TNKS2: variants seen among roughly 807,000 people sequenced by gnomAD.
The protein encoded by TNKS2 is poly [ADP-ribose] polymerase tankyrase-2.
In TNKS2, 72 loss-of-function variants were observed where a neutral mutation model predicts 137.6. The observed-to-expected ratio is 0.52, with a 90% CI of 0.43 to 0.64. The LOEUF (loss-of-function observed/expected upper bound fraction) is 0.64, where lower values mean the gene tolerates loss of function less well. Ranked by LOEUF, TNKS2 falls within the 30% of genes least tolerant of loss-of-function variation. The pLI is 0.00. For missense variants in TNKS2, 1,049 were observed against 1,410.2 expected (o/e 0.74, Z 4.10); for synonymous variants, 516 against 512.1 (o/e 1.01, Z -0.10).
Position 91,812,971 on chromosome 10 carries a change from G to C in TNKS2, c.200-12G>C. 13 of 1,613,346 alleles carry C rather than the reference G, an allele frequency of 8.1e-6. No homozygotes were observed. The highest frequency in any genetic ancestry group is 1.0e-5 in the Non-Finnish European group (12 of 1,179,474). Reference sequence around the variant, plus strand: ...TGTTGAACTTACGTGTGGACAATTTGTTTTCATCTAGGTTTTGGGCGGAAA... The same window carrying C: ...TGTTGAACTTACGTGTGGACAATTTCTTTTCATCTAGGTTTTGGGCGGAAA... On this transcript the variant is annotated splice_polypyrimidine_tract_variant and intron_variant, in intron 1 of 26. Coordinates refer to ENST00000371627, the MANE Select transcript of TNKS2 (RefSeq NM_025235.4).
chr10:91,840,620 A>T lies in TNKS2; in HGVS notation c.1587A>T (p.Pro529=), dbSNP rs148894170. The T allele has an allele frequency of 6.2e-6, 10 of 1,614,030 alleles. No homozygotes were observed. The East Asian group carries it at 1.3e-4, about 22-fold the overall frequency. The change falls in exon 14 of 27, where the codon CCA becomes CCT. Residue 529 remains proline (P), a synonymous_variant. Coordinates refer to ENST00000371627, the MANE Select transcript of TNKS2 (RefSeq NM_025235.4). ...CRDIEGRQST[P]LHFAAGYNRV... ...ACATTGAAGGGCGTCAGTCTACACC[A>T]CTTCATTTTGCAGCTGGGTATAACA...
At chr10:91,854,957 T>A in intron 21 of TNKS2, 72 bp from the exon 22 acceptor site, 3 of 670,664 alleles carry the variant, frequency 4.5e-6, no homozygotes, top group South Asian at 2.0e-5. Context: ...AAAAATTAGG[T>A]GGTTATTTTT....
intron 1 of TNKS2, among the ~76,000 whole-genome samples, chr10:91,811,118 G>T (rs1844488808): frequency 6.6e-6 from 1 of 151,006 alleles, no homozygotes; most frequent in Non-Finnish European, 1.5e-5. Flanking sequence ...TAGAGACTGG[G>T]TTTCACCATG....
At chr10:91,861,878 TAAA>T (rs1012002176) in intron 25 of TNKS2, 118 bp from the exon 26 acceptor site, 55 of 870,940 alleles carry the variant, frequency 6.3e-5, no homozygotes, top group Non-Finnish European at 8.6e-5. Context: ...GGTGAAATGA[TAAA>T]AACAATTATA....
chr10:91,813,671 G>T (rs1844580305), intron 2 of TNKS2, among the ~76,000 whole-genome samples: 1 of 152,264 alleles, frequency 6.6e-6, no homozygotes, highest in East Asian at 1.9e-4. Context: ...GTACGTGCAG[G>T]CAGTGTAGAA....
At chr10:91,838,036 A>ATTTTTTTTTTT (rs71025367) in intron 13 of TNKS2, among the ~76,000 whole-genome samples, 11 of 51,234 alleles carry the variant, frequency 2.1e-4, no homozygotes, top group East Asian at 1.6e-3. Context: ...CAATTAGCTG[A>ATTTTTTTTTTT]TTTTTTTTTT....
chr10:91,854,966 T>C, intron 21 of TNKS2, 63 bp from the exon 22 acceptor site: 1 of 873,760 alleles, frequency 1.1e-6, no homozygotes, highest in Middle Eastern at 3.0e-4. Context: ...GTGGTTATTT[T>C]TGGTTTTGAT....
At position 91,812,971 on chromosome 10, in the gene TNKS2, G is replaced by A. The variant is rs1480498012; in HGVS notation, c.200-12G>A. On this transcript the variant is annotated splice_polypyrimidine_tract_variant and intron_variant, in intron 1 of 26. Coordinates refer to ENST00000371627, the MANE Select transcript of TNKS2 (RefSeq NM_025235.4). ...TGTTGAACTTACGTGTGGACAATTT[G>A]TTTTCATCTAGGTTTTGGGCGGAAA... 5.0e-6 allele frequency: 8 copies of A among 1,613,228 alleles called. No individual in the cohort carries two copies. The Admixed American group carries it at 1.3e-4, about 27-fold the overall frequency.
At chr10:91,851,487 C>A in intron 21 of TNKS2, 151 bp downstream of exon 21, 1 of 927,810 alleles carries the variant, frequency 1.1e-6, no homozygotes, top group Non-Finnish European at 1.5e-6. Context: ...TAAGTCTTAG[C>A]TGTGCTACTG....
Position 91,815,971 on chromosome 10 carries a change from C to A in TNKS2, c.425-1163C>A, listed in dbSNP as rs545966746. Among the ~76,000 whole-genome samples the A allele has an allele frequency of 4.0e-5, 4 of 99,854 alleles. No homozygotes were observed. The East Asian group carries it at 1.4e-3, about 34-fold the overall frequency. 65.5% of individuals were successfully genotyped at this position (99,854 alleles called of 152,430 possible). Reference sequence around the variant, plus strand: ...CTCTTTTTTTTTTTTTTTTTTGAGACGGAGTCTTGCACTGTCGCCTAGGCT... The same window carrying A: ...CTCTTTTTTTTTTTTTTTTTTGAGAAGGAGTCTTGCACTGTCGCCTAGGCT... On this transcript the variant is annotated intron_variant, in intron 2 of 26. Transcript: ENST00000371627.
At position 91,827,141 on chromosome 10, in the gene TNKS2, A is replaced by G. The variant is rs759894452; in HGVS notation, c.920A>G (p.Asn307Ser). ...TATGGTGCAGACCCAACACTGCTCA[A>G]TTGTCACAATAAAAGTGCTATAGAC... The part of the protein sequence containing the change: ...LSYGADPTLL[N>S]CHNKSAIDLA... The change falls in exon 8 of 27, where the codon AAT becomes AGT. Residue 307 changes from asparagine (N) to serine (S), a missense_variant. Physicochemically the swap from Asn to Ser is conservative, Grantham distance 46. This residue lies in a region of TNKS2 where 374 missense variants were observed against 460.8 expected (regional missense o/e 0.81). Transcript: ENST00000371627. 6 of 1,606,550 alleles carry G rather than the reference A, an allele frequency of 3.7e-6. No homozygotes were observed. Among genetic ancestry groups the G allele is most frequent in the East Asian group, 2.2e-5 (1 of 44,680 alleles).
intron 9 of TNKS2, 53 bp downstream of exon 9, chr10:91,828,459 C>T: frequency 7.0e-7 from 1 of 1,435,808 alleles, no homozygotes; most frequent in Non-Finnish European, 9.3e-7. Context: ...ACGTGCTAAA[C>T]TAATCATAAT....
Position 91,817,181 on chromosome 10 carries a change from A to G in TNKS2, c.472A>G (p.Arg158Gly). 2 of 1,613,826 alleles carry G rather than the reference A, an allele frequency of 1.2e-6. No individual in the cohort carries two copies. The highest frequency in any genetic ancestry group is 1.7e-6 in the Non-Finnish European group (2 of 1,179,886). The change falls in exon 3 of 27, where the codon AGG (arginine) becomes GGG (glycine). Residue 158 changes from arginine (R) to glycine (G), a missense_variant. Arg to Gly is a moderately radical substitution (Grantham distance 125). This residue lies in a region of TNKS2 where 374 missense variants were observed against 460.8 expected (regional missense o/e 0.81). Transcript: ENST00000371627. ...GCCAACCATCCGAAATACAGATGGA[A>G]GGACAGCATTGGATTTAGCAGATCC... ...AEPTIRNTDG[R>G]TALDLADPSA...
rs778784748 is a variant in TNKS2 at position 91,855,016 on chromosome 10, TTTTG to T, written c.2816-9_2816-6del. On this transcript the variant is annotated splice_polypyrimidine_tract_variant and intron_variant, in intron 21 of 26. Transcript: ENST00000371627. ...GGCAATTTATTTTTCTACCTTCAAA[TTTTG>T]TTTCATAGGTCTTAACCCATATTTA... 7 of 1,455,368 alleles carry T rather than the reference TTTTG, an allele frequency of 4.8e-6. No homozygotes were observed. Among genetic ancestry groups the T allele is most frequent in the Non-Finnish European group, 6.7e-6 (7 of 1,050,250 alleles). 90.2% of individuals were successfully genotyped at this position (1,455,368 alleles called of 1,614,324 possible). A position where few individuals can be genotyped will look rare whatever the true frequency, so the allele number is the denominator to read the frequency against.
In TNKS2 at chr10:91,865,070, G is replaced by A. The variant is rs546449837; in HGVS notation, c.*2071G>A. 2 of 152,290 alleles carry A rather than the reference G, an allele frequency of 1.3e-5. No individual in the cohort carries two copies. The highest frequency in any genetic ancestry group is 2.4e-5 in the African/African-American group (1 of 41,370). The allele number at this position is 152,290 out of a possible 1,614,324, so 9.4% of individuals were successfully genotyped here. On this transcript the variant is annotated 3_prime_UTR_variant, in exon 27 of 27. Coordinates refer to ENST00000371627, the MANE Select transcript of TNKS2 (RefSeq NM_025235.4). Reference sequence around the variant, plus strand: ...TGTTTGTTGGGAAGTTGGGGTTTTGGGGGGAGGGGGAGTATTAGTACGTTG... The same window carrying A: ...TGTTTGTTGGGAAGTTGGGGTTTTGAGGGGAGGGGGAGTATTAGTACGTTG...
intron 9 of TNKS2, among the ~76,000 whole-genome samples, chr10:91,828,828 T>G (rs1189378353): frequency 1.3e-5 from 2 of 152,046 alleles, no homozygotes; most frequent in Admixed American, 1.3e-4. Flanking sequence ...CAAAATTAGA[T>G]CTAGAATGTG....
In TNKS2 at chr10:91,830,814, AAAAC is replaced by A. The variant is rs1353250201; in HGVS notation, c.1105-105_1105-102del. ...TCAAGAGCAAAGTTGCGTCAAAAGT[AAAAC>A]AAAAAGATTAAATAACTACTTGATT... On this transcript the variant is annotated intron_variant, in intron 9 of 26. Coordinates refer to ENST00000371627, the MANE Select transcript of TNKS2 (RefSeq NM_025235.4). 59 of 996,434 alleles carry A rather than the reference AAAAC, an allele frequency of 5.9e-5. 1 individual carries two copies. The highest frequency in any genetic ancestry group is 6.1e-5 in the Admixed American group (2 of 32,824). The allele number at this position is 996,434 out of a possible 1,614,324, so 61.7% of individuals were successfully genotyped here. A position where few individuals can be genotyped will look rare whatever the true frequency, so the allele number is the denominator to read the frequency against.
At chr10:91,831,574 T>C (rs1845248509) in intron 11 of TNKS2, among the ~76,000 whole-genome samples, 1 of 152,224 alleles carries the variant, frequency 6.6e-6, no homozygotes, top group Non-Finnish European at 1.5e-5. Flanking sequence ...TACCCTCTTA[T>C]TTCTGTAACT....
intron 1 of TNKS2, among the ~76,000 whole-genome samples, chr10:91,805,878 C>T (rs560871246): frequency 2.0e-5 from 3 of 152,150 alleles, no homozygotes; most frequent in African/African-American, 7.2e-5. Context: ...ATAGCAGAAC[C>T]ATAGATTAGG....
Sources: allele counts gnomAD v4.1 joint callset (sites outside exome capture counted in the v4.1 genomes callset), GRCh38; gene constraint gnomAD v4.1.1; regional missense constraint gnomAD v4.1.1; transcripts MANE v1.5; gene names NCBI Gene and HGNC (gene_info 2026-07-23, HGNC 2026-07-21).